Variants in DCUN1D3 observed in about 807,000 individuals in gnomAD.
DCUN1D3 encodes DCN1-like protein 3.
A neutral mutation model predicts 24.8 loss-of-function variants in DCUN1D3; 6 were observed. The ratio of observed to expected loss-of-function variants is 0.24; its 90% CI spans 0.13 to 0.48. DCUN1D3 has a LOEUF of 0.48. Ranked by LOEUF, DCUN1D3 falls within the 20% of genes least tolerant of loss-of-function variation. The pLI is 0.99. For synonymous variants in DCUN1D3, 120 were observed against 144.9 expected (o/e 0.83, Z 1.24); for missense variants, 258 against 379.4 (o/e 0.68, Z 2.66).
rs1325448268 is a variant in DCUN1D3 at position 20,857,088 on chromosome 16, AC to A, written c.*2797del. On this transcript the variant is annotated 3_prime_UTR_variant, in exon 3 of 3. Transcript: ENST00000324344. ...TCACTTCCCAGAAGTATAACTTCAA[AC>A]CCTACACACACCTCACCTTGGATCC... is the stretch of plus-strand genomic sequence containing the variant. 2.6e-5 allele frequency: 4 copies of A among 152,190 alleles called. No individual in the cohort carries two copies. Among genetic ancestry groups the A allele is most frequent in the Non-Finnish European group, 5.9e-5 (4 of 68,038 alleles). 9.4% of individuals were successfully genotyped at this position (152,190 alleles called of 1,614,324 possible). A position where few individuals can be genotyped will look rare whatever the true frequency, so the allele number is the denominator to read the frequency against.
chr16:20,866,087 T>A (rs1324602595), intron 1 of DCUN1D3, among the ~76,000 whole-genome samples: 1 of 152,200 alleles, frequency 6.6e-6, no homozygotes, highest in Non-Finnish European at 1.5e-5. Flanking sequence ...GCTTTAAGAC[T>A]ACAGCTAGTA....
intron 1 of DCUN1D3, among the ~76,000 whole-genome samples, chr16:20,872,335 A>G (rs1018709576): frequency 5.9e-5 from 9 of 152,246 alleles, no homozygotes; most frequent in African/African-American, 2.2e-4. Flanking sequence ...CAGATGATAA[A>G]TGACTGCATC....
chr16:20,890,353 T>G (rs1469290184), intron 1 of DCUN1D3, among the ~76,000 whole-genome samples: 1 of 151,670 alleles, frequency 6.6e-6, no homozygotes, highest in Non-Finnish European at 1.5e-5. Flanking sequence ...GATCTGAGGG[T>G]GTGGGGGCCC....
At position 20,857,998 on chromosome 16, in the gene DCUN1D3, C is replaced by T. The variant is rs778520448; in HGVS notation, c.*1888G>A. The T allele has an allele frequency of 8.4e-4, 128 of 152,654 alleles. No individual in the cohort carries two copies. Among genetic ancestry groups the T allele is most frequent in the African/African-American group, 3.0e-3 (123 of 41,550 alleles). 9.5% of individuals were successfully genotyped at this position (152,654 alleles called of 1,614,324 possible). A position where few individuals can be genotyped will look rare whatever the true frequency, so the allele number is the denominator to read the frequency against. On this transcript the variant is annotated 3_prime_UTR_variant, in exon 3 of 3. Coordinates refer to ENST00000324344, the MANE Select transcript of DCUN1D3 (RefSeq NM_173475.4). ...CCCAGGCTGAGAAACATACCTGGGACGCAGCGGGGTATTAGGTTAAGGGAG... is the reference window on the plus strand; with the variant it reads ...CCCAGGCTGAGAAACATACCTGGGATGCAGCGGGGTATTAGGTTAAGGGAG...
chr16:20,894,169 T>A (rs763851820), intron 1 of DCUN1D3, among the ~76,000 whole-genome samples: 1 of 152,146 alleles, frequency 6.6e-6, no homozygotes, highest in Non-Finnish European at 1.5e-5. Flanking sequence ...TCAGGAGGGC[T>A]GAGACAGGAG....
chr16:20,887,564 G>C (rs1385783624), intron 1 of DCUN1D3, among the ~76,000 whole-genome samples: 1 of 152,202 alleles, frequency 6.6e-6, no homozygotes, highest in Non-Finnish European at 1.5e-5. Context: ...GCAGAGTCTA[G>C]ACTAGAACTA....
At chr16:20,898,669 A>G (rs2081932657) in intron 1 of DCUN1D3, among the ~76,000 whole-genome samples, 2 of 152,254 alleles carry the variant, frequency 1.3e-5, no homozygotes, top group Non-Finnish European at 2.9e-5. Context: ...TCCTAGCATC[A>G]GATCTTCCTA....
rs374769393 is a variant in DCUN1D3 at position 20,862,430 on chromosome 16, G to A, written c.109C>T (p.Arg37Cys). The change falls in exon 2 of 3, where the codon CGT becomes TGT. Residue 37 changes from arginine (R) to cysteine (C), a missense_variant. Physicochemically the swap from Arg to Cys is radical, Grantham distance 180. Transcript: ENST00000324344. ...KSHSRRGAGH[R>C]EEQVPPCGKP... The stretch of plus-strand genomic sequence containing the variant: ...CCACAGGGTGGTACCTGCTCCTCAC[G>A]GTGGCCTGCACCCCTCCTGCTATGT... 16 of 1,613,634 alleles carry A rather than the reference G, an allele frequency of 9.9e-6. No individual in the cohort carries two copies. Among genetic ancestry groups the A allele is most frequent in the African/African-American group, 1.3e-5 (1 of 74,908 alleles).
At chr16:20,897,905 T>A (rs1453455047) in intron 1 of DCUN1D3, among the ~76,000 whole-genome samples, 1 of 152,202 alleles carries the variant, frequency 6.6e-6, no homozygotes, top group Non-Finnish European at 1.5e-5. Context: ...AAGACCCTAG[T>A]TAAGGCGACA....
At chr16:20,890,351 G>A (rs1364013472) in intron 1 of DCUN1D3, among the ~76,000 whole-genome samples, 4 of 152,082 alleles carry the variant, frequency 2.6e-5, no homozygotes, top group African/African-American at 9.7e-5. Flanking sequence ...GGGATCTGAG[G>A]GTGTGGGGGC....
intron 1 of DCUN1D3, among the ~76,000 whole-genome samples, chr16:20,871,345 T>A (rs1356102979): frequency 6.6e-6 from 1 of 151,696 alleles, no homozygotes; most frequent in Non-Finnish European, 1.5e-5. Context: ...ATCTCAAAAG[T>A]GCAAAAGAAA....
chr16:20,895,674 A>C (rs1490312373), intron 1 of DCUN1D3, among the ~76,000 whole-genome samples: 3 of 152,158 alleles, frequency 2.0e-5, no homozygotes, highest in African/African-American at 7.2e-5. Context: ...ATCCCTTCTC[A>C]CCACCCAAAA....
At chr16:20,882,262 T>A (rs2081848071) in intron 1 of DCUN1D3, among the ~76,000 whole-genome samples, 1 of 151,644 alleles carries the variant, frequency 6.6e-6, no homozygotes, top group African/African-American at 2.4e-5. Flanking sequence ...ATTTTTTTTT[T>A]TTTTTTTGAG....
intron 1 of DCUN1D3, among the ~76,000 whole-genome samples, chr16:20,875,066 C>G (rs2081807044): frequency 6.6e-6 from 1 of 152,124 alleles, no homozygotes; most frequent in South Asian, 2.1e-4. Flanking sequence ...TATTAAAACC[C>G]TGCCCTAGCA....
At chr16:20,891,409 C>T (rs1298592048) in intron 1 of DCUN1D3, among the ~76,000 whole-genome samples, 6 of 152,204 alleles carry the variant, frequency 3.9e-5, no homozygotes, top group Admixed American at 2.6e-4. Flanking sequence ...TGTCAAGAGC[C>T]ACTATCCAGT....
chr16:20,881,647 C>T (rs530958592), intron 1 of DCUN1D3, among the ~76,000 whole-genome samples: 24 of 152,010 alleles, frequency 1.6e-4, no homozygotes, highest in Non-Finnish European at 3.1e-4. Context: ...CAGCTACTCT[C>T]GGAGGTTCCT....
chr16:20,877,781 A>G (rs1212771840), intron 1 of DCUN1D3, among the ~76,000 whole-genome samples: 2 of 152,204 alleles, frequency 1.3e-5, no homozygotes, highest in African/African-American at 4.8e-5. Flanking sequence ...GCAGAACTCA[A>G]TTCAGTTCTC....
rs574702468 is a variant in DCUN1D3 at position 20,899,539 on chromosome 16, A to G, written c.-106+665T>C. ...TGCCATAAAGGAGGAAAGGGGAAGAAAAAAAAATCCACTATTGCCACTCAG... is the reference window on the plus strand; with the variant it reads ...TGCCATAAAGGAGGAAAGGGGAAGAGAAAAAAATCCACTATTGCCACTCAG... On this transcript the variant is annotated intron_variant, in intron 1 of 2. Transcript: ENST00000324344. Among the ~76,000 whole-genome samples the G allele has an allele frequency of 6.6e-5, 10 of 152,262 alleles. 1 individual carries two copies. The South Asian group carries it at 2.1e-3, about 32-fold the overall frequency.
chr16:20,885,256 G>T (rs2081863291), intron 1 of DCUN1D3, among the ~76,000 whole-genome samples: 1 of 152,148 alleles, frequency 6.6e-6, no homozygotes. Flanking sequence ...GATTACAGGT[G>T]TGAGCCATTG....
Sources: allele counts gnomAD v4.1 joint callset (sites outside exome capture counted in the v4.1 genomes callset), GRCh38; gene constraint gnomAD v4.1.1; transcripts MANE v1.5; gene names NCBI Gene and HGNC (gene_info 2026-07-23, HGNC 2026-07-21).